The following FRK variants were observed in gnomAD, a reference collection of about 807,000 sequenced individuals.
FRK encodes the protein tyrosine-protein kinase FRK.
Under a neutral mutation model 56.4 loss-of-function variants are expected in FRK, and 51 were observed. That is an observed-to-expected ratio of 0.90 (90% CI 0.72 to 1.14). The LOEUF (loss-of-function observed/expected upper bound fraction) is 1.14. Among genes scored for constraint, FRK ranks in the 50% most tolerant of loss-of-function variants. FRK has a pLI of 0.00. For missense variants in FRK, 570 were observed against 601.4 expected, an observed-to-expected ratio of 0.95 and a Z score of 0.55; for synonymous variants, 245 against 217.9, an observed-to-expected ratio of 1.12 and a Z score of -1.10.
At chr6:116,066,229 C>T in the FRK span, among the ~76,000 whole-genome samples, 2 of 152,086 alleles carry the variant, frequency 1.3e-5, no homozygotes, top group Non-Finnish European at 2.9e-5. Context: ...GGCAGAAAAA[C>T]ATGAAAAAGC....
chr6:116,065,371 G>C (rs1447065687), upstream of FRK, among the ~76,000 whole-genome samples: 1 of 152,158 alleles, frequency 6.6e-6, no homozygotes, highest in African/African-American at 2.4e-5. Context: ...TTATGGCCTA[G>C]GGAGCCATAA....
chr6:115,998,712 C>G (rs1229925389), intron 2 of FRK, among the ~76,000 whole-genome samples: 1 of 152,146 alleles, frequency 6.6e-6, no homozygotes, highest in Non-Finnish European at 1.5e-5. Context: ...CTGGTCTTGG[C>G]TGCCTTTCAC....
At chr6:116,015,212 G>T (rs1295404880) in intron 1 of FRK, among the ~76,000 whole-genome samples, 1 of 152,130 alleles carries the variant, frequency 6.6e-6, no homozygotes, top group African/African-American at 2.4e-5. Context: ...GGATCATGAG[G>T]GTGTTTCTTC....
the FRK span, among the ~76,000 whole-genome samples, chr6:116,071,239 G>A: frequency 1.3e-5 from 2 of 152,222 alleles, no homozygotes; most frequent in African/African-American, 4.8e-5. Flanking sequence ...TGTACATAAT[G>A]ATATGTATGC....
At chr6:116,032,408 C>T (rs562285746) in intron 1 of FRK, among the ~76,000 whole-genome samples, 1 of 151,982 alleles carries the variant, frequency 6.6e-6, no homozygotes, top group African/African-American at 2.4e-5. Context: ...GCAGCCTATC[C>T]CCAACACCAC....
chr6:116,086,024 GAGAC>G, the FRK span, among the ~76,000 whole-genome samples: 4 of 117,674 alleles, frequency 3.4e-5, no homozygotes, highest in South Asian at 5.2e-4. Context: ...TTTTTTTTTT[GAGAC>G]AGAGTCTCAC....
chr6:115,958,881 GTTAATGAAAT>G (rs1773210788), intron 4 of FRK, among the ~76,000 whole-genome samples: 2 of 151,878 alleles, frequency 1.3e-5, no homozygotes, highest in African/African-American at 4.8e-5. Flanking sequence ...ATATATTTAT[GTTAATGAAAT>G]TTCTATGTTG....
At chr6:116,067,889 C>G in the FRK span, among the ~76,000 whole-genome samples, 1 of 152,342 alleles carries the variant, frequency 6.6e-6, no homozygotes, top group Admixed American at 6.5e-5. Flanking sequence ...CAGCTGTCTT[C>G]CATGATGCCA....
the FRK span, among the ~76,000 whole-genome samples, chr6:116,070,658 T>C: frequency 2.6e-5 from 4 of 152,210 alleles, no homozygotes; most frequent in Non-Finnish European, 1.5e-5. Flanking sequence ...TTAAAAGACA[T>C]ATGTAATAGG....
At chr6:116,051,093 T>C (rs1488983337) in intron 1 of FRK, among the ~76,000 whole-genome samples, 2 of 152,186 alleles carry the variant, frequency 1.3e-5, no homozygotes, top group African/African-American at 4.8e-5. Flanking sequence ...CTTCTGAATC[T>C]TCCAAATCAT....
intron 2 of FRK, among the ~76,000 whole-genome samples, chr6:115,989,003 T>G (rs1336730430): frequency 6.6e-6 from 1 of 151,922 alleles, no homozygotes; most frequent in East Asian, 1.9e-4. Flanking sequence ...GCACCAGGTC[T>G]TCTCAAATGT....
chr6:116,046,937 A>G (rs183829019), intron 1 of FRK, among the ~76,000 whole-genome samples: 2 of 151,900 alleles, frequency 1.3e-5, no homozygotes, highest in African/African-American at 4.8e-5. Context: ...CTGACTCAGC[A>G]TTTCCAAGTT....
intron 3 of FRK, 148 bp downstream of exon 3, chr6:115,968,428 G>T (rs1461514239): frequency 1.4e-6 from 1 of 708,448 alleles, no homozygotes; most frequent in Admixed American, 2.6e-5. Flanking sequence ...ACGTCAGTGT[G>T]AGCTCATAGG....
the FRK span, among the ~76,000 whole-genome samples, chr6:116,066,924 A>G: frequency 6.6e-6 from 1 of 152,316 alleles, no homozygotes; most frequent in East Asian, 1.9e-4. Flanking sequence ...AGCATGTCTC[A>G]TGGGTTGAAT....
chr6:116,013,664 A>C (rs1775550284), intron 1 of FRK, among the ~76,000 whole-genome samples: 1 of 152,160 alleles, frequency 6.6e-6, no homozygotes, highest in Non-Finnish European at 1.5e-5. Context: ...CTCTATACGA[A>C]TAAGCTTTGG....
chr6:116,005,217 G>C (rs1403615089), intron 1 of FRK, among the ~76,000 whole-genome samples: 3 of 152,112 alleles, frequency 2.0e-5, no homozygotes, highest in African/African-American at 4.8e-5. Context: ...TACATTAACT[G>C]TATCTGTCAG....
intron 1 of FRK, among the ~76,000 whole-genome samples, chr6:116,018,774 C>A (rs919062402): frequency 2.0e-5 from 3 of 152,034 alleles, no homozygotes. Flanking sequence ...TTCCACCATG[C>A]TCTTTGCCTG....
chr6:116,057,121 T>G (rs953080635), intron 1 of FRK, among the ~76,000 whole-genome samples: 3 of 152,204 alleles, frequency 2.0e-5, no homozygotes, highest in Non-Finnish European at 2.9e-5. Context: ...AATACTAACA[T>G]ACGTTGCATT....
intron 4 of FRK, among the ~76,000 whole-genome samples, chr6:115,957,255 G>A (rs1056694880): frequency 1.3e-5 from 2 of 152,134 alleles, no homozygotes; most frequent in African/African-American, 4.8e-5. Context: ...GCCAAATGGA[G>A]GAGAGACAAT....
Sources: allele counts gnomAD v4.1 joint callset (sites outside exome capture counted in the v4.1 genomes callset), GRCh38; gene constraint gnomAD v4.1.1; transcripts MANE v1.5; gene names NCBI Gene and HGNC (gene_info 2026-07-23, HGNC 2026-07-21).